STAT3: variants seen among roughly 807,000 people sequenced by gnomAD.
STAT3 encodes the protein signal transducer and activator of transcription 3, also known as DNA-binding protein APRF.
In STAT3, 7 loss-of-function variants were observed where a neutral mutation model predicts 114.3. The ratio of observed to expected loss-of-function variants is 0.06; its 90% CI spans 0.03 to 0.11. STAT3 has a LOEUF of 0.11. STAT3 is among the 10% of genes least tolerant of loss of function. The pLI is 1.00. For missense variants in STAT3, 364 were observed against 960.9 expected (o/e 0.38, Z 8.21); for synonymous variants, 331 against 354.5 (o/e 0.93, Z 0.74).
chr17:42,369,380 A>C (rs1277950786), intron 1 of STAT3, among the ~76,000 whole-genome samples: 2 of 152,058 alleles, frequency 1.3e-5, no homozygotes, highest in African/African-American at 4.8e-5. Context: ...ACAAACAAAC[A>C]AACAAAAACA....
chr17:42,316,727 A>G, intron 23 of STAT3, 62 bp downstream of exon 23: 2 of 1,608,302 alleles, frequency 1.2e-6, no homozygotes, highest in Non-Finnish European at 1.7e-6. Flanking sequence ...TACATGTGAG[A>G]GCATCACACA....
chr17:42,337,594 G>C lies in STAT3; in HGVS notation c.646-8C>G, dbSNP rs750761706. 6.2e-7 allele frequency: 1 copy of C among 1,614,052 alleles called. No homozygotes were observed. Among genetic ancestry groups the C allele is most frequent in the African/African-American group, 1.3e-5 (1 of 74,910 alleles). On this transcript the variant is annotated splice_region_variant and splice_polypyrimidine_tract_variant and intron_variant, in intron 7 of 23. Coordinates refer to ENST00000264657, the MANE Select transcript of STAT3 (RefSeq NM_139276.3). This position sits in a 1 kb window ranked among gnomAD's most constrained non-coding sequence, Gnocchi z 4.0. ...CAGCTCACTCACGATGCTCTGGTTG[G>C]AAACCAAAACAAAGTCAGAAAACAT...
intron 1 of STAT3, 196 bp downstream of exon 1, chr17:42,388,083 C>G (rs746248863): frequency 2.6e-5 from 16 of 625,516 alleles, no homozygotes; most frequent in Non-Finnish European, 3.4e-5. Context: ...CCCTCCAGCG[C>G]CCCGAGTCCC....
chr17:42,385,056 G>A (rs1304155062), intron 1 of STAT3, among the ~76,000 whole-genome samples: 1 of 152,148 alleles, frequency 6.6e-6, no homozygotes, highest in African/African-American at 2.4e-5. Context: ...ATGTAGAACA[G>A]CTACCTTGTT....
chr17:42,383,914 A>C (rs2084936640), intron 1 of STAT3, among the ~76,000 whole-genome samples: 2 of 152,164 alleles, frequency 1.3e-5, no homozygotes, highest in African/African-American at 2.4e-5. Flanking sequence ...TACTTTTTTC[A>C]CCCAAAGTAC....
Position 42,314,871 on chromosome 17 carries a change from T to TTTTTTTTTTTTG in STAT3, c.*873_*874insCAAAAAAAAAAA, listed in dbSNP as rs2081195051. 1 of 178,216 alleles carries TTTTTTTTTTTTG rather than the reference T, an allele frequency of 5.6e-6. No individual in the cohort carries two copies. Among genetic ancestry groups the TTTTTTTTTTTTG allele is most frequent in the African/African-American group, 2.4e-5 (1 of 41,382 alleles). 11.0% of individuals were successfully genotyped at this position (178,216 alleles called of 1,614,324 possible). On this transcript the variant is annotated 3_prime_UTR_variant, in exon 24 of 24. Transcript: ENST00000264657. ...AGTTTCTTTTTTTTTTTTTTTTTTT[T>TTTTTTTTTTTTG]GAGACAGAGTCTCAGACTGTCGCCC...
intron 1 of STAT3, among the ~76,000 whole-genome samples, chr17:42,359,265 T>TA (rs766223990): frequency 1.3e-5 from 2 of 152,100 alleles, no homozygotes; most frequent in African/African-American, 2.4e-5. Flanking sequence ...CCCATTTCCT[T>TA]AGTGTCCTGG....
At chr17:42,375,171 T>TA (rs1187662094) in intron 1 of STAT3, among the ~76,000 whole-genome samples, 1 of 152,208 alleles carries the variant, frequency 6.6e-6, no homozygotes, top group Non-Finnish European at 1.5e-5. Context: ...AAGAAATCTC[T>TA]AAAACATTTT....
At chr17:42,367,949 T>A (rs1250747433) in intron 1 of STAT3, among the ~76,000 whole-genome samples, 1 of 152,240 alleles carries the variant, frequency 6.6e-6, no homozygotes, top group African/African-American at 2.4e-5. Context: ...TAAACTGCCC[T>A]TCCTTAAGTA....
chr17:42,316,136 G>C, intron 23 of STAT3: 1 of 1,240,188 alleles, frequency 8.1e-7, no homozygotes, highest in Non-Finnish European at 1.0e-6. Flanking sequence ...GATTTGGTTT[G>C]TCCAAACTGA....
intron 14 of STAT3, 120 bp from the exon 15 acceptor site, chr17:42,326,319 G>T: frequency 1.2e-6 from 1 of 824,474 alleles, no homozygotes; most frequent in Non-Finnish European, 2.0e-6. Flanking sequence ...ACCAGTCTAA[G>T]CAGCACAGCA....
chr17:42,352,133 G>A (rs1304110712), intron 1 of STAT3, among the ~76,000 whole-genome samples: 1 of 152,078 alleles, frequency 6.6e-6, no homozygotes, highest in South Asian at 2.1e-4. Flanking sequence ...GAGGTCAGGA[G>A]TTCGAGACCA....
intron 4 of STAT3, among the ~76,000 whole-genome samples, chr17:42,344,987 C>T (rs1026462609): frequency 1.3e-5 from 2 of 151,508 alleles, no homozygotes; most frequent in African/African-American, 4.8e-5. Flanking sequence ...CAGAACAGGC[C>T]GGGCACAGTG....
chr17:42,328,252 A>G (rs1191192212), intron 14 of STAT3, among the ~76,000 whole-genome samples: 1 of 152,122 alleles, frequency 6.6e-6, no homozygotes, highest in Non-Finnish European at 1.5e-5. Flanking sequence ...AGTATAGTGT[A>G]TTTTTAAAAC....
At position 42,313,903 on chromosome 17, in the gene STAT3, C is replaced by A. The variant is rs1021730051; in HGVS notation, c.*1842G>T. 1 of 232,524 alleles carries A rather than the reference C, an allele frequency of 4.3e-6. No individual in the cohort carries two copies. Among genetic ancestry groups the A allele is most frequent in the Non-Finnish European group, 8.5e-6 (1 of 117,262 alleles). The allele number at this position is 232,524 out of a possible 1,614,324, so 14.4% of individuals were successfully genotyped here. A position where few individuals can be genotyped will look rare whatever the true frequency, so the allele number is the denominator to read the frequency against. Reference sequence around the variant, plus strand: ...GAACCCTGTTCATCTTAGAGAAGGTCGTCTCCCCCTTAATTCAGAGACCAG... The same window carrying A: ...GAACCCTGTTCATCTTAGAGAAGGTAGTCTCCCCCTTAATTCAGAGACCAG... On this transcript the variant is annotated 3_prime_UTR_variant, in exon 24 of 24. Coordinates refer to ENST00000264657, the MANE Select transcript of STAT3 (RefSeq NM_139276.3).
intron 1 of STAT3, among the ~76,000 whole-genome samples, chr17:42,379,645 TC>T (rs559719961): frequency 6.0e-4 from 92 of 152,248 alleles, no homozygotes; most frequent in African/African-American, 2.2e-3. Flanking sequence ...TCATTCCTCT[TC>T]CCCTCAAACC....
chr17:42,317,181 C>T lies in STAT3; in HGVS notation c.2144+1G>A, dbSNP rs2144622620. 1 of 1,613,998 alleles carries T rather than the reference C, an allele frequency of 6.2e-7. No homozygotes were observed. Among genetic ancestry groups the T allele is most frequent in the Non-Finnish European group, 8.5e-7 (1 of 1,179,952 alleles). On this transcript the variant is annotated splice_donor_variant, in intron 22 of 23. Coordinates refer to ENST00000264657, the MANE Select transcript of STAT3 (RefSeq NM_139276.3). LOFTEE classifies it high-confidence loss of function. ...CAAAACGGGGAAAGGAAGCCACTTACGGTGTCACACAGATAAACTTGGTCT... is the reference window on the plus strand; with the variant it reads ...CAAAACGGGGAAAGGAAGCCACTTATGGTGTCACACAGATAAACTTGGTCT...
intron 8 of STAT3, among the ~76,000 whole-genome samples, chr17:42,335,641 G>A (rs2082199026): frequency 6.6e-6 from 1 of 152,206 alleles, no homozygotes; most frequent in Non-Finnish European, 1.5e-5. Flanking sequence ...TATTAGGCCA[G>A]GTGCAGTGGC....
intron 2 of STAT3, among the ~76,000 whole-genome samples, chr17:42,347,585 A>G (rs568917897): frequency 6.6e-6 from 1 of 152,270 alleles, no homozygotes; most frequent in Admixed American, 6.5e-5. Context: ...TCTAGTTTGG[A>G]TCTACATCCC....
Sources: allele counts gnomAD v4.1 joint callset (sites outside exome capture counted in the v4.1 genomes callset), GRCh38; gene constraint gnomAD v4.1.1; non-coding constraint Gnocchi (gnomAD v3.1); transcripts MANE v1.5; gene names NCBI Gene and HGNC (gene_info 2026-07-23, HGNC 2026-07-21).